ZNF385D: variants seen among roughly 807,000 people sequenced by gnomAD.
ZNF385D encodes the protein zinc finger protein 659.
A neutral mutation model predicts 35.8 loss-of-function variants in ZNF385D; 15 were observed. That is an observed-to-expected ratio of 0.42 (90% CI 0.28 to 0.64). The LOEUF is 0.64. ZNF385D is among the 30% of genes least tolerant of loss of function. ZNF385D has a pLI of 0.23. For synonymous variants in ZNF385D, 212 were observed against 186.8 expected (o/e 1.13, Z -1.10); for missense variants, 474 against 494.6 (o/e 0.96, Z 0.39).
intron 3 of ZNF385D, among the ~76,000 whole-genome samples, chr3:21,810,113 C>A (rs559763356): frequency 3.7e-4 from 57 of 152,082 alleles, no homozygotes; most frequent in African/African-American, 1.3e-3. Context: ...AGCCAATATA[C>A]CTCATGAAAA....
intron 3 of ZNF385D, among the ~76,000 whole-genome samples, chr3:22,123,404 T>C (rs1165426030): frequency 6.6e-6 from 1 of 152,200 alleles, no homozygotes. Flanking sequence ...GAGGTAAGTG[T>C]ATATATTTAT....
intron 3 of ZNF385D, among the ~76,000 whole-genome samples, chr3:22,134,798 G>A (rs1476163349): frequency 6.6e-6 from 1 of 152,100 alleles, no homozygotes; most frequent in Non-Finnish European, 1.5e-5. Context: ...AGAAGGACAA[G>A]AGAGAGAGAT....
At chr3:21,984,347 G>A (rs865949001) in intron 3 of ZNF385D, among the ~76,000 whole-genome samples, 4,233 of 127,694 alleles carry the variant, frequency 0.033, 112 homozygotes, top group Non-Finnish European at 0.045. Flanking sequence ...TTTGTATAAG[G>A]TGTAAGGAAG....
chr3:21,424,991 T>G (rs1700949602), intron 6 of ZNF385D, among the ~76,000 whole-genome samples: 1 of 152,206 alleles, frequency 6.6e-6, no homozygotes, highest in South Asian at 2.1e-4. Flanking sequence ...ACAACTTGAT[T>G]AGTCATTCCT....
At chr3:21,916,714 T>G (rs1337113309) in intron 3 of ZNF385D, among the ~76,000 whole-genome samples, 2 of 152,214 alleles carry the variant, frequency 1.3e-5, no homozygotes, top group Non-Finnish European at 2.9e-5. Flanking sequence ...TTGGAAAAGG[T>G]CTGCCACAAT....
chr3:21,470,915 T>C (rs1264497398), intron 4 of ZNF385D, among the ~76,000 whole-genome samples: 1 of 152,142 alleles, frequency 6.6e-6, no homozygotes, highest in Non-Finnish European at 1.5e-5. Flanking sequence ...TTCAACAAAA[T>C]GGTGCCATTA....
intron 2 of ZNF385D, among the ~76,000 whole-genome samples, chr3:22,263,945 A>T (rs1700761766): frequency 6.6e-6 from 1 of 151,960 alleles, no homozygotes; most frequent in Non-Finnish European, 1.5e-5. Context: ...AAAGGTTAAA[A>T]ATTATAAGAG....
At chr3:22,181,595 G>A in intron 2 of ZNF385D, among the ~76,000 whole-genome samples, 1 of 151,838 alleles carries the variant, frequency 6.6e-6, no homozygotes, top group South Asian at 2.1e-4. Context: ...CTACTCTGGA[G>A]GCTGAGGCAG....
At chr3:21,427,981 A>T (rs531353531) in intron 5 of ZNF385D, among the ~76,000 whole-genome samples, 1 of 152,192 alleles carries the variant, frequency 6.6e-6, no homozygotes, top group South Asian at 2.1e-4. Context: ...GTTACTATTC[A>T]CCATTAAATG....
chr3:21,551,056 G>C (rs529381875), intron 3 of ZNF385D, among the ~76,000 whole-genome samples: 45 of 152,280 alleles, frequency 3.0e-4, no homozygotes, highest in South Asian at 1.0e-3. Context: ...GTCTGAATAT[G>C]AATAATACCA....
At chr3:22,026,707 G>A (rs1576178102) in intron 3 of ZNF385D, among the ~76,000 whole-genome samples, 1 of 152,134 alleles carries the variant, frequency 6.6e-6, no homozygotes, top group African/African-American at 2.4e-5. Context: ...TGGTGGGAAA[G>A]GCCAAATGGA....
intron 3 of ZNF385D, among the ~76,000 whole-genome samples, chr3:22,001,799 G>A (rs773383242): frequency 9.9e-5 from 15 of 151,068 alleles, no homozygotes; most frequent in Non-Finnish European, 1.9e-4. Context: ...GAAAACAAAG[G>A]CCACCTGAAA....
chr3:22,021,931 G>C (rs747661951), intron 3 of ZNF385D, among the ~76,000 whole-genome samples: 2 of 151,954 alleles, frequency 1.3e-5, no homozygotes, highest in African/African-American at 2.4e-5. Flanking sequence ...CAAGTTTGAC[G>C]GCCTCTGTTC....
intron 1 of ZNF385D, among the ~76,000 whole-genome samples, chr3:21,725,954 C>A (rs150596290): frequency 1.9e-3 from 283 of 152,262 alleles, no homozygotes; most frequent in Middle Eastern, 3.4e-3. Flanking sequence ...CCAAATCCAG[C>A]AGCACATCAA....
chr3:21,543,224 T>G (rs163484), intron 3 of ZNF385D, among the ~76,000 whole-genome samples: 1 of 151,728 alleles, frequency 6.6e-6, no homozygotes, highest in African/African-American at 2.4e-5. Flanking sequence ...GGCAGGAGAA[T>G]CACTTGAAGC....
intron 3 of ZNF385D, among the ~76,000 whole-genome samples, chr3:21,514,873 C>T (rs919081759): frequency 1.6e-4 from 25 of 151,990 alleles, no homozygotes; most frequent in African/African-American, 4.3e-4. Context: ...AATATTAGCA[C>T]ATTGTGTTAT....
intron 3 of ZNF385D, among the ~76,000 whole-genome samples, chr3:22,135,016 T>C (rs1028044684): frequency 1.3e-5 from 2 of 152,164 alleles, no homozygotes; most frequent in Non-Finnish European, 2.9e-5. Context: ...ATACAAAGTA[T>C]ATCCTTTGAT....
chr3:22,352,042 C>A (rs1559536100), intron 2 of ZNF385D, among the ~76,000 whole-genome samples: 2 of 152,140 alleles, frequency 1.3e-5, no homozygotes, highest in African/African-American at 2.4e-5. Flanking sequence ...TTATCTGAGC[C>A]AGCCACAAAC....
At chr3:21,562,261 G>A (rs989062907) in intron 3 of ZNF385D, among the ~76,000 whole-genome samples, 2 of 152,022 alleles carry the variant, frequency 1.3e-5, no homozygotes, top group South Asian at 2.1e-4. Context: ...CATGTGTTAT[G>A]TCATATCAAT....
Sources: allele counts gnomAD v4.1 joint callset (sites outside exome capture counted in the v4.1 genomes callset), GRCh38; gene constraint gnomAD v4.1.1; transcripts MANE v1.5; gene names NCBI Gene and HGNC (gene_info 2026-07-23, HGNC 2026-07-21).